The following SNCAIP variants were observed in gnomAD, a reference collection of about 807,000 sequenced individuals.
The protein encoded by SNCAIP is synuclein alpha interacting protein.
SNCAIP carries 43 observed loss-of-function variants against 86.7 expected under a neutral mutation model. The observed-to-expected ratio is 0.50, with a 90% CI of 0.39 to 0.64. The LOEUF (loss-of-function observed/expected upper bound fraction) is 0.64. Among genes scored for constraint, SNCAIP ranks in the 30% least tolerant of loss-of-function variants. The pLI is 0.00. For synonymous variants in SNCAIP, 417 were observed against 427.2 expected, an observed-to-expected ratio of 0.98 and a Z score of 0.29; for missense variants, 981 against 1,103.1, an observed-to-expected ratio of 0.89 and a Z score of 1.57.
chr5:122,343,177 C>G (rs1218686834), intron 1 of SNCAIP, among the ~76,000 whole-genome samples: 2 of 152,302 alleles, frequency 1.3e-5, no homozygotes, highest in African/African-American at 4.8e-5. Context: ...GAATTTAGTT[C>G]TCAAGCTAAA....
Position 122,384,989 on chromosome 5 carries a change from C to A in SNCAIP, c.-46-6100C>A, listed in dbSNP as rs540863988. Among the ~76,000 whole-genome samples, 3 of 152,300 alleles carry A rather than the reference C, an allele frequency of 2.0e-5. No individual in the cohort carries two copies. In the South Asian group the frequency reaches 6.2e-4, roughly 32 times the overall value. ...TGTTCCAGAATTCTCACTTCCAGGC[C>A]TGTTCCCATACTGAAAGCACAGACA... On this transcript the variant is annotated intron_variant, in intron 1 of 10. Coordinates refer to ENST00000261368, the MANE Select transcript of SNCAIP (RefSeq NM_005460.4).
intron 1 of SNCAIP, among the ~76,000 whole-genome samples, chr5:122,377,611 C>G (rs963699683): frequency 6.6e-6 from 1 of 151,744 alleles, no homozygotes; most frequent in African/African-American, 2.4e-5. Context: ...CATATGTATA[C>G]ATGTGCCATG....
intron 10 of SNCAIP, among the ~76,000 whole-genome samples, chr5:122,452,470 T>C (rs1340315970): frequency 1.3e-5 from 2 of 152,220 alleles, no homozygotes; most frequent in African/African-American, 4.8e-5. Context: ...TCATTAGCTA[T>C]AATGTTAGAA....
At chr5:122,409,539 T>A (rs11960430) in intron 3 of SNCAIP, among the ~76,000 whole-genome samples, 5,825 of 152,192 alleles carry the variant, frequency 0.038, 361 homozygotes, top group African/African-American at 0.13. Flanking sequence ...CTGAAAAAAA[T>A]TTTATACCTA....
chr5:122,393,562 C>G (rs2152845553), intron 2 of SNCAIP, among the ~76,000 whole-genome samples: 1 of 152,230 alleles, frequency 6.6e-6, no homozygotes, highest in East Asian at 1.9e-4. Context: ...CACCCCTACC[C>G]CAGAAACATT....
intron 1 of SNCAIP, among the ~76,000 whole-genome samples, chr5:122,351,689 G>A (rs1664756975): frequency 6.6e-6 from 1 of 151,988 alleles, no homozygotes; most frequent in Non-Finnish European, 1.5e-5. Context: ...CAAAGACAGT[G>A]GTCAGCAGCA....
rs186139459 is a variant in SNCAIP, at chr5:122,344,227, A to G, written c.-47+31943A>G. 1.1e-4 allele frequency among the ~76,000 whole-genome samples: 16 copies of G among 152,278 alleles called. 1 individual carries two copies. The highest frequency in any genetic ancestry group is 6.5e-4 in the Admixed American group (10 of 15,292). On this transcript the variant is annotated intron_variant, in intron 1 of 10. Transcript: ENST00000261368. ...GAACACAGATCAATGCCTGCCACAT[A>G]ATTTGAATCCATGAGTAATTGTTGA...
chr5:122,353,347 G>A (rs1032747121), intron 1 of SNCAIP, among the ~76,000 whole-genome samples: 10 of 151,270 alleles, frequency 6.6e-5, no homozygotes, highest in African/African-American at 2.0e-4. Context: ...GAAGGGAGAT[G>A]GCTTTAATTT....
chr5:122,378,079 G>T (rs1480914499), intron 1 of SNCAIP, among the ~76,000 whole-genome samples: 1 of 147,066 alleles, frequency 6.8e-6, no homozygotes, highest in Non-Finnish European at 1.5e-5. Context: ...TGGGTCAAAT[G>T]GTATTTCTAG....
rs940159874 is a variant in SNCAIP at position 122,397,977 on chromosome 5, T to C, written c.58-5816T>C. On this transcript the variant is annotated intron_variant, in intron 2 of 10. Transcript: ENST00000261368. ...AAGACGAGAGTTGAAAAATGCCGTC[T>C]GGATTTTCCAGTTAAGACCCCCTTG... is the stretch of plus-strand genomic sequence containing the variant. 4.6e-5 allele frequency among the ~76,000 whole-genome samples: 7 copies of C among 152,278 alleles called. No individual in the cohort carries two copies. The East Asian group carries it at 7.7e-4, about 17-fold the overall frequency.
At chr5:122,435,171 A>G (rs184100948) in intron 6 of SNCAIP, among the ~76,000 whole-genome samples, 152 of 152,248 alleles carry the variant, frequency 1.0e-3, no homozygotes, top group African/African-American at 3.5e-3. Context: ...CAATTATTTC[A>G]TTGCCTGACT....
At chr5:122,452,430 C>G (rs1284741168) in intron 10 of SNCAIP, among the ~76,000 whole-genome samples, 2 of 152,116 alleles carry the variant, frequency 1.3e-5, no homozygotes, top group African/African-American at 4.8e-5. Context: ...GATAAACCAC[C>G]CAGTGGAGCT....
intron 1 of SNCAIP, among the ~76,000 whole-genome samples, chr5:122,378,006 G>A (rs1399959914): frequency 9.3e-5 from 14 of 150,822 alleles, no homozygotes; most frequent in Non-Finnish European, 1.5e-4. Flanking sequence ...ACATACGTGT[G>A]CATGTGTCTT....
At chr5:122,428,739 C>T (rs1777835929) in intron 5 of SNCAIP, among the ~76,000 whole-genome samples, 1 of 151,922 alleles carries the variant, frequency 6.6e-6, no homozygotes, top group South Asian at 2.1e-4. Context: ...GCTATCCCTT[C>T]CCCATCCCCC....
At chr5:122,352,455 G>T (rs1259576808) in intron 1 of SNCAIP, among the ~76,000 whole-genome samples, 1 of 152,118 alleles carries the variant, frequency 6.6e-6, no homozygotes, top group Non-Finnish European at 1.5e-5. Context: ...GTACAAATGT[G>T]CTTAGTATGA....
intron 3 of SNCAIP, among the ~76,000 whole-genome samples, chr5:122,417,711 C>G (rs1002160172): frequency 1.3e-5 from 2 of 151,626 alleles, no homozygotes; most frequent in Non-Finnish European, 2.9e-5. Flanking sequence ...GCCTTTCTAC[C>G]TTCCCCCTTC....
At chr5:122,411,923 G>A (rs185848538) in intron 3 of SNCAIP, among the ~76,000 whole-genome samples, 1 of 152,224 alleles carries the variant, frequency 6.6e-6, no homozygotes, top group East Asian at 1.9e-4. Flanking sequence ...GTCTTATCAT[G>A]CCACTCCCTG....
In SNCAIP at chr5:122,463,503, C is replaced by A; in HGVS notation, c.*7C>A. 4 of 1,601,442 alleles carry A rather than the reference C, an allele frequency of 2.5e-6. No individual in the cohort carries two copies. Among genetic ancestry groups the A allele is most frequent in the Non-Finnish European group, 3.4e-6 (4 of 1,169,560 alleles). ...CTCTTCTGCTTAGGCATAATGACAT[C>A]AATAGAAAAATGAAGAAATCCTACA... On this transcript the variant is annotated 3_prime_UTR_variant, in exon 11 of 11. Transcript: ENST00000261368.
At chr5:122,329,609 G>T (rs571641753) in intron 1 of SNCAIP, among the ~76,000 whole-genome samples, 1 of 152,146 alleles carries the variant, frequency 6.6e-6, no homozygotes, top group East Asian at 1.9e-4. Context: ...TCACTGAGGA[G>T]CTTACTTTAA....
Sources: allele counts gnomAD v4.1 joint callset (sites outside exome capture counted in the v4.1 genomes callset), GRCh38; gene constraint gnomAD v4.1.1; transcripts MANE v1.5; gene names NCBI Gene and HGNC (gene_info 2026-07-23, HGNC 2026-07-21).